Variants in ADCY4 observed in about 807,000 individuals in gnomAD.
ADCY4 encodes adenylate cyclase 4.
In ADCY4, 111 loss-of-function variants were observed where a neutral mutation model predicts 125.5. That is an observed-to-expected ratio of 0.88 (90% confidence interval 0.76 to 1.04). The LOEUF is 1.04. Ranked by LOEUF, ADCY4 falls within the 50% of genes least tolerant of loss-of-function variation. The pLI is 0.00. For missense variants in ADCY4, 1,256 were observed against 1,382.9 expected (o/e 0.91, Z 1.46); for synonymous variants, 576 against 586.9 (o/e 0.98, Z 0.27).
At chr14:24,324,628 TCA>T (rs2041911975) in intron 14 of ADCY4, among the ~76,000 whole-genome samples, 1 of 151,538 alleles carries the variant, frequency 6.6e-6, no homozygotes, top group African/African-American at 2.4e-5. Flanking sequence ...GAGTGGGGGC[TCA>T]CAAGAATGGC....
intron 6 of ADCY4, 44 bp downstream of exon 6, chr14:24,330,974 G>C: frequency 1.3e-6 from 2 of 1,540,348 alleles, no homozygotes; most frequent in Non-Finnish European, 1.8e-6. Flanking sequence ...ACCCAGGATG[G>C]GATGTTTGAG....
At chr14:24,322,454 T>C in intron 19 of ADCY4, 170 bp downstream of exon 19, 1 of 859,754 alleles carries the variant, frequency 1.2e-6, no homozygotes, top group Non-Finnish European at 1.8e-6. Flanking sequence ...CTTTCCCAGA[T>C]AGGGGTGTGG....
intron 1 of ADCY4, among the ~76,000 whole-genome samples, chr14:24,333,546 T>C (rs1040481365): frequency 2.0e-5 from 3 of 152,236 alleles, no homozygotes; most frequent in African/African-American, 7.2e-5. Context: ...GTCCAACCTA[T>C]TATCTTGCTG....
rs1380177127 is a variant in ADCY4, at chr14:24,332,956, A to T, written c.192T>A (p.Thr64=). ...ELTSDPSFLT[T]VLCALGGFSL... ...AGAAGCCGCCCAGCGCGCACAGCAC[A>T]GTGGTCAGGAAGCTCGGGTCTGAGG... Residue 64 remains threonine (T), a synonymous_variant, in exon 2 of 25, where the codon ACT becomes ACA. Transcript: ENST00000418030. 11 of 1,569,422 alleles carry T rather than the reference A, an allele frequency of 7.0e-6. No individual in the cohort carries two copies. Among genetic ancestry groups the T allele is most frequent in the Non-Finnish European group, 9.5e-6 (11 of 1,154,622 alleles).
In ADCY4 at chr14:24,332,657, G is replaced by A. The variant is rs778347627; in HGVS notation, c.384C>T (p.Phe128=). ...DQVSYFLFVI[F]TAYAMLPLGM... ...CCAAGGGCAGCATGGCATACGCCGT[G>A]AAGATGACGAAGAGAAAATAGGACA... The change falls in exon 3 of 25, where the codon TTC becomes TTT. Residue 128 remains phenylalanine (F), a synonymous_variant. Transcript: ENST00000418030. The A allele has an allele frequency of 1.3e-5, 21 of 1,588,340 alleles. No individual in the cohort carries two copies. Among genetic ancestry groups the A allele is most frequent in the Non-Finnish European group, 1.8e-5 (21 of 1,167,664 alleles).
At chr14:24,320,005 T>C (rs1012366791) in intron 20 of ADCY4, 117 bp from the exon 21 acceptor site, 4 of 1,309,576 alleles carry the variant, frequency 3.1e-6, no homozygotes, top group Non-Finnish European at 4.1e-6. Context: ...TTAAGAAGAA[T>C]TGGGAAGGAG....
At chr14:24,322,771 C>T in intron 18 of ADCY4, 63 bp from the exon 19 acceptor site, 1 of 1,578,224 alleles carries the variant, frequency 6.3e-7, no homozygotes, top group Admixed American at 1.8e-5. Flanking sequence ...CTCCCTGCCC[C>T]CATGTAGGCC....
intron 20 of ADCY4, 133 bp from the exon 21 acceptor site, chr14:24,320,021 G>A (rs772592576): frequency 2.7e-6 from 3 of 1,102,094 alleles, no homozygotes; most frequent in Non-Finnish European, 3.8e-6. Context: ...AGGAGGGAGA[G>A]GAGTAGGGCC....
intron 16 of ADCY4, among the ~76,000 whole-genome samples, chr14:24,323,830 C>T (rs1357667950): frequency 6.6e-6 from 1 of 152,212 alleles, no homozygotes; most frequent in African/African-American, 2.4e-5. Flanking sequence ...TAATAAGTAA[C>T]TGCCTACACA....
intron 6 of ADCY4, 31 bp downstream of exon 6, chr14:24,330,987 T>C (rs1594667162): frequency 1.3e-6 from 2 of 1,566,728 alleles, no homozygotes; most frequent in Admixed American, 1.7e-5. Context: ...TGTTTGAGGG[T>C]CCCTGGGTGG....
chr14:24,332,027 CTG>C (rs2042049439), intron 3 of ADCY4, 90 bp from the exon 4 acceptor site: 1 of 1,396,870 alleles, frequency 7.2e-7, no homozygotes, highest in Non-Finnish European at 9.4e-7. Flanking sequence ...CTGGGGAAGA[CTG>C]GGCTTTACAG....
chr14:24,325,481 G>A lies in ADCY4; in HGVS notation c.1726-7C>T. The A allele has an allele frequency of 2.5e-6, 4 of 1,610,682 alleles. No individual in the cohort carries two copies. Among genetic ancestry groups the A allele is most frequent in the Admixed American group, 1.7e-5 (1 of 59,968 alleles). On this transcript the variant is annotated splice_region_variant and splice_polypyrimidine_tract_variant and intron_variant, in intron 13 of 24. Coordinates refer to ENST00000418030, the MANE Select transcript of ADCY4 (RefSeq NM_001198568.2). ...GGATTGCAGAGAGTCGGTACTGAAA[G>A]TGAGAGGGCCAGAGGTGGAGACAGG... is the stretch of plus-strand genomic sequence containing the variant.
Position 24,325,368 on chromosome 14 carries a change from C to A in ADCY4, c.1823+9G>T, listed in dbSNP as rs776545093. ...CAGCCAGGGCCTCCTTTGCCTGGGG[C>A]ACTCTCACCTGTTTGTCACTAGCAT... On this transcript the variant is annotated intron_variant, in intron 14 of 24. Coordinates refer to ENST00000418030, the MANE Select transcript of ADCY4 (RefSeq NM_001198568.2). 9 of 1,611,834 alleles carry A rather than the reference C, an allele frequency of 5.6e-6. No homozygotes were observed. The South Asian group carries it at 9.9e-5, about 18-fold the overall frequency.
Position 24,319,247 on chromosome 14 carries a change from G to A in ADCY4, c.2842-35C>T. ...GGCCCGCCCACCAGGGTGGGCCAGT[G>A]AGGGCACAGGAATAAGTCCCACTAA... is the stretch of plus-strand genomic sequence containing the variant. On this transcript the variant is annotated intron_variant, in intron 22 of 24. Coordinates refer to ENST00000418030, the MANE Select transcript of ADCY4 (RefSeq NM_001198568.2). The surrounding 1 kb of genome is among the most constrained non-coding windows in gnomAD (Gnocchi z 4.5). 1 of 1,613,152 alleles carries A rather than the reference G, an allele frequency of 6.2e-7. No homozygotes were observed. The highest frequency in any genetic ancestry group is 1.1e-5 in the South Asian group (1 of 91,070).
chr14:24,322,784 C>T (rs182515608), intron 18 of ADCY4, 76 bp from the exon 19 acceptor site: 37 of 1,559,716 alleles, frequency 2.4e-5, no homozygotes, highest in Middle Eastern at 1.7e-4. Flanking sequence ...TGTAGGCCTC[C>T]GCTTCCCTCC....
At position 24,331,819 on chromosome 14, in the gene ADCY4, C is replaced by T; in HGVS notation, c.638G>A (p.Arg213His). Residue 213 changes from arginine (R) to histidine (H), a missense_variant, in exon 4 of 25, where the codon CGC (arginine) becomes CAC (histidine). By Grantham distance (29) the Arg-to-His change is conservative. Transcript: ENST00000418030. ...CTTCTTCTCGGTGTCCAGCCGCCGG[C>T]GTGAGTGCAGGGAGCTGAGTGCCTC... ...FREALSSLHS[R>H]RRLDTEKKHQ... is the part of the protein sequence containing the mutation. The T allele has an allele frequency of 3.1e-6, 5 of 1,594,804 alleles. No homozygotes were observed. Among genetic ancestry groups the T allele is most frequent in the Non-Finnish European group, 4.3e-6 (5 of 1,166,276 alleles).
At position 24,325,362 on chromosome 14, in the gene ADCY4, C is replaced by T. The variant is rs1324117674; in HGVS notation, c.1823+15G>A. 17 of 1,610,404 alleles carry T rather than the reference C, an allele frequency of 1.1e-5. No individual in the cohort carries two copies. Among genetic ancestry groups the T allele is most frequent in the Non-Finnish European group, 1.4e-5 (16 of 1,177,164 alleles). On this transcript the variant is annotated intron_variant, in intron 14 of 24. Coordinates refer to ENST00000418030, the MANE Select transcript of ADCY4 (RefSeq NM_001198568.2). ...TTATGACAGCCAGGGCCTCCTTTGC[C>T]TGGGGCACTCTCACCTGTTTGTCAC...
At chr14:24,333,043 A>G (rs1037290285) in intron 1 of ADCY4, 55 bp from the exon 2 acceptor site, 146 of 1,478,182 alleles carry the variant, frequency 9.9e-5, no homozygotes, top group Non-Finnish European at 5.6e-5. Context: ...AACGAACCTG[A>G]TAAAGGAAAA....
At chr14:24,328,678 G>A (rs1050024004) in intron 10 of ADCY4, 8 of 211,788 alleles carry the variant, frequency 3.8e-5, no homozygotes, top group East Asian at 1.3e-4. Flanking sequence ...GGCCACTACC[G>A]GTCTCCGCGC....
Sources: gnomAD v4.1 joint callset for allele counts (sites outside exome capture counted in the v4.1 genomes callset) on GRCh38, gnomAD v4.1.1 for gene constraint, Gnocchi (gnomAD v3.1) non-coding constraint, MANE v1.5 for transcripts, NCBI Gene and HGNC (gene_info 2026-07-23, HGNC 2026-07-21) for gene names.